The following SLC23A2 variants were observed in gnomAD, a reference collection of about 807,000 sequenced individuals.
SLC23A2 encodes the protein solute carrier family 23 member 2.
Under a neutral mutation model 73.3 loss-of-function variants are expected in SLC23A2, and 36 were observed. The ratio of observed to expected loss-of-function variants is 0.49; its 90% CI spans 0.38 to 0.65. The LOEUF is 0.65. SLC23A2 is among the 30% of genes least tolerant of loss of function. SLC23A2 has a pLI of 0.00. For synonymous variants in SLC23A2, 343 were observed against 327.3 expected (o/e 1.05, Z -0.52); for missense variants, 507 against 841.6 (o/e 0.60, Z 4.92).
rs535123115 is a variant in SLC23A2, at chr20:4,998,873, C to T, written c.-282+2533G>A. 2.7e-5 allele frequency among the ~76,000 whole-genome samples: 4 copies of T among 149,290 alleles called. No individual in the cohort carries two copies. Among genetic ancestry groups the T allele is most frequent in the African/African-American group, 9.9e-5 (4 of 40,402 alleles). ...AGGCTGGAGTGCAGTGGCACGATCT[C>T]GACTCACTGCAAACTCCACCTCCCA... On this transcript the variant is annotated intron_variant, in intron 1 of 16. Transcript: ENST00000338244. This position sits in a 1 kb window ranked among gnomAD's most constrained non-coding sequence, Gnocchi z 4.1.
intron 2 of SLC23A2, among the ~76,000 whole-genome samples, chr20:4,938,910 A>G (rs2087001269): frequency 6.6e-6 from 1 of 151,910 alleles, no homozygotes; most frequent in Non-Finnish European, 1.5e-5. Flanking sequence ...ACTCCCATCA[A>G]TACTTCCTCT....
chr20:4,971,549 G>A (rs1049105998), intron 1 of SLC23A2, among the ~76,000 whole-genome samples: 5 of 150,758 alleles, frequency 3.3e-5, no homozygotes, highest in Non-Finnish European at 3.0e-5. Context: ...AGGGAGGCTG[G>A]GATGGGAGGA....
At chr20:4,903,601 TGGGGCCCAATACCCTTAAACAAAAGAA>T (rs1004277195) in intron 4 of SLC23A2, among the ~76,000 whole-genome samples, 1 of 152,212 alleles carries the variant, frequency 6.6e-6, no homozygotes, top group Non-Finnish European at 1.5e-5. Context: ...GTTTGGGGTT[TGGGGCCCAATACCCTTAAACAAAAGAA>T]GGGACACAGT....
At chr20:4,895,125 C>A (rs569579873) in intron 6 of SLC23A2, among the ~76,000 whole-genome samples, 4 of 152,330 alleles carry the variant, frequency 2.6e-5, no homozygotes, top group African/African-American at 9.6e-5. Context: ...CACTTCGGAG[C>A]TGGAGAAGTC....
chr20:4,918,370 A>G (rs1932395255), intron 3 of SLC23A2, among the ~76,000 whole-genome samples: 1 of 152,178 alleles, frequency 6.6e-6, no homozygotes, highest in Non-Finnish European at 1.5e-5. Flanking sequence ...TCAATCAGCT[A>G]TGAAAGGAGG....
At chr20:4,873,849 G>T in intron 11 of SLC23A2, 87 bp downstream of exon 11, 1 of 1,348,546 alleles carries the variant, frequency 7.4e-7, no homozygotes, top group Non-Finnish European at 1.0e-6. Flanking sequence ...GACAGTCTGG[G>T]ACAAAGACGG....
In SLC23A2 at chr20:4,886,121, C is replaced by T; in HGVS notation, c.483-212G>A. 4.0e-6 allele frequency: 2 copies of T among 498,380 alleles called. 1 individual carries two copies. The highest frequency in any genetic ancestry group is 1.1e-3 in the Middle Eastern group (2 of 1,894). The allele number at this position is 498,380 out of a possible 1,614,324, so 30.9% of individuals were successfully genotyped here. On this transcript the variant is annotated intron_variant, in intron 6 of 16. Transcript: ENST00000338244. ...ATCCTCCCCATTGCCACTCTCCTCC[C>T]ACCCAGGCAGCTCCAGGGTGGGCCC...
At chr20:4,939,986 C>T (rs1045943828) in intron 2 of SLC23A2, among the ~76,000 whole-genome samples, 2 of 152,088 alleles carry the variant, frequency 1.3e-5, no homozygotes, top group African/African-American at 4.8e-5. Context: ...AATACCCCCC[C>T]AACAGGTCAG....
At chr20:4,984,237 C>T (rs1344949728) in intron 1 of SLC23A2, among the ~76,000 whole-genome samples, 1 of 152,186 alleles carries the variant, frequency 6.6e-6, no homozygotes, top group East Asian at 1.9e-4. Context: ...GAAGCCACTG[C>T]ACTCCAGACT....
At chr20:4,989,181 A>G (rs960542885) in intron 1 of SLC23A2, among the ~76,000 whole-genome samples, 2 of 150,500 alleles carry the variant, frequency 1.3e-5, no homozygotes, top group Admixed American at 1.3e-4. Context: ...AGAGCTTGCA[A>G]TGAGCCGAGA....
chr20:5,004,561 G>T (rs1225048627), upstream of SLC23A2, among the ~76,000 whole-genome samples: 1 of 152,112 alleles, frequency 6.6e-6, no homozygotes, highest in Non-Finnish European at 1.5e-5. Flanking sequence ...AAGGATAATT[G>T]GAGACCAGGC....
At chr20:4,963,931 A>G (rs1164839972) in intron 2 of SLC23A2, among the ~76,000 whole-genome samples, 1 of 152,218 alleles carries the variant, frequency 6.6e-6, no homozygotes, top group Non-Finnish European at 1.5e-5. Context: ...TTGTAAATTT[A>G]GTAAATAATT....
chr20:4,882,028 A>G (rs1453755985), intron 9 of SLC23A2, among the ~76,000 whole-genome samples: 1 of 152,152 alleles, frequency 6.6e-6, no homozygotes, highest in Non-Finnish European at 1.5e-5. Flanking sequence ...CCATCTTCCC[A>G]TCTCTGCTGG....
chr20:4,924,682 G>A (rs1430088738), intron 3 of SLC23A2, among the ~76,000 whole-genome samples: 2 of 152,186 alleles, frequency 1.3e-5, no homozygotes, highest in Non-Finnish European at 2.9e-5. Flanking sequence ...CCTGCTGTGG[G>A]GCCTTTGCCC....
intron 3 of SLC23A2, among the ~76,000 whole-genome samples, chr20:4,921,558 C>A (rs1932499984): frequency 6.6e-6 from 1 of 151,148 alleles, no homozygotes; most frequent in Non-Finnish European, 1.5e-5. Flanking sequence ...TGCACTCCAG[C>A]CTGGGTGACA....
intron 2 of SLC23A2, among the ~76,000 whole-genome samples, chr20:4,933,993 A>T (rs2086919360): frequency 6.6e-6 from 1 of 152,228 alleles, no homozygotes; most frequent in Non-Finnish European, 1.5e-5. Flanking sequence ...TAAAGAAATA[A>T]AAAAGAGAAA....
Position 4,948,779 on chromosome 20 carries a change from G to A in SLC23A2, c.-154-16063C>T, listed in dbSNP as rs146185683. Among the ~76,000 whole-genome samples the A allele has an allele frequency of 1.1e-3, 173 of 152,282 alleles. No homozygotes were observed. In the East Asian group the frequency reaches 0.03, roughly 26 times the overall value. On this transcript the variant is annotated intron_variant, in intron 2 of 16. Coordinates refer to ENST00000338244, the MANE Select transcript of SLC23A2 (RefSeq NM_005116.6). ...AAAAATTATATTCATTAAATACAGA[G>A]ACTGCAATCACTTAGAATTGTATGC...
intron 2 of SLC23A2, among the ~76,000 whole-genome samples, chr20:4,944,327 C>T (rs919023263): frequency 6.6e-6 from 1 of 152,138 alleles, no homozygotes; most frequent in African/African-American, 2.4e-5. Context: ...GCAACCTCCA[C>T]CTCCCGGGTT....
chr20:4,935,418 C>T (rs1420639750), intron 2 of SLC23A2, among the ~76,000 whole-genome samples: 3 of 152,124 alleles, frequency 2.0e-5, no homozygotes, highest in Non-Finnish European at 4.4e-5. Flanking sequence ...CTAATTCATT[C>T]ATCACAACTC....
Sources: gnomAD v4.1 joint callset for allele counts (sites outside exome capture counted in the v4.1 genomes callset) on GRCh38, gnomAD v4.1.1 for gene constraint, Gnocchi (gnomAD v3.1) non-coding constraint, MANE v1.5 for transcripts, NCBI Gene and HGNC (gene_info 2026-07-23, HGNC 2026-07-21) for gene names.